Variants in CIITA observed in about 807,000 individuals in gnomAD.
CIITA encodes class II major histocompatibility complex transactivator.
A neutral mutation model predicts 115.1 loss-of-function variants in CIITA; 72 were observed. The ratio of observed to expected loss-of-function variants is 0.63; its 90% CI spans 0.52 to 0.76. The LOEUF is 0.76. Ranked by LOEUF, CIITA falls within the 30% of genes least tolerant of loss-of-function variation. The pLI is 0.00. For missense variants in CIITA, 1,617 were observed against 1,463.8 expected (o/e 1.10, Z -1.71); for synonymous variants, 763 against 635.6 (o/e 1.20, Z -3.02).
rs74430533 is a variant in CIITA, at chr16:10,918,547, C to T, written c.3149+21C>T. The T allele has an allele frequency of 3.2e-3, 5,198 of 1,609,028 alleles. 20 individuals carry two copies. The highest frequency in any genetic ancestry group is 4.2e-3 in the Admixed American group (251 of 60,008). The stretch of plus-strand genomic sequence containing the variant: ...CTAAGGTGAGTGGGGCCCCGGATAC[C>T]GGTCAGGTGCTGAGCTGGGGGGCTG... On this transcript the variant is annotated intron_variant, in intron 16 of 19. Transcript: ENST00000324288.
Position 10,941,926 on chromosome 16 carries a change from G to A in CIITA, n.1052G>A. Reference sequence around the variant, plus strand: ...GAAGAACAGGCCCACGTAGAACATAGAGGGCAGCAGCGGCGGCGGCACGTA... The same window carrying A: ...GAAGAACAGGCCCACGTAGAACATAAAGGGCAGCAGCGGCGGCGGCACGTA... On this transcript the variant is annotated non_coding_transcript_exon_variant, in exon 2 of 2. Transcript: ENST00000573379. The surrounding 1 kb of genome is among the most constrained non-coding windows in gnomAD (Gnocchi z 6.4). 1.3e-6 allele frequency: 2 copies of A among 1,599,320 alleles called. No individual in the cohort carries two copies. Among genetic ancestry groups the A allele is most frequent in the African/African-American group, 1.3e-5 (1 of 74,796 alleles).
At chr16:10,916,914 A>G (rs1198527628) in intron 15 of CIITA, 1 of 285,374 alleles carries the variant, frequency 3.5e-6, no homozygotes, top group Non-Finnish European at 6.7e-6. Flanking sequence ...ACCCAGCTTT[A>G]AACAAAACAA....
intron 1 of CIITA, among the ~76,000 whole-genome samples, chr16:10,881,892 C>G (rs1322198443): frequency 6.6e-6 from 1 of 152,206 alleles, no homozygotes; most frequent in East Asian, 1.9e-4. Flanking sequence ...TTGGGCTACT[C>G]TAGACACCGC....
In CIITA at chr16:10,877,338, G is replaced by C. The variant is rs113187651; in HGVS notation, c.8G>C (p.Cys3Ser). Residue 3 changes from cysteine to serine, a missense_variant, in exon 1 of 20, where the codon TGC becomes TCC. Transcript: ENST00000324288. Reference sequence around the variant, plus strand: ...GGCTGGGATTCCTACACAATGCGTTGCCTGGCTCCACGCCCTGCTGGGTCC... The same window carrying C: ...GGCTGGGATTCCTACACAATGCGTTCCCTGGCTCCACGCCCTGCTGGGTCC... MR[C>S]LAPRPAGSYL... is the part of the protein sequence containing the mutation. 6.2e-7 allele frequency: 1 copy of C among 1,613,140 alleles called. No individual in the cohort carries two copies. Among genetic ancestry groups the C allele is most frequent in the Non-Finnish European group, 8.5e-7 (1 of 1,179,516 alleles).
chr16:10,921,583 G>T (rs753555861), intron 16 of CIITA, among the ~76,000 whole-genome samples: 2 of 152,178 alleles, frequency 1.3e-5, no homozygotes, highest in Non-Finnish European at 2.9e-5. Context: ...TTTTACAGAT[G>T]GGCAAACTGA....
In CIITA at chr16:10,927,432, T is replaced by A. The variant is rs905355310; in HGVS notation, c.*3577T>A. On this transcript the variant is annotated 3_prime_UTR_variant, in exon 20 of 20. Coordinates refer to ENST00000324288, the MANE Select transcript of CIITA (RefSeq NM_000246.4). ...ATAATAGGTGCTCAATAACATAAAA[T>A]GAACAAATAATCCTCACCTAACGGT... 6.6e-6 allele frequency: 1 copy of A among 152,232 alleles called. No individual in the cohort carries two copies. The highest frequency in any genetic ancestry group is 1.5e-5 in the Non-Finnish European group (1 of 68,052). The allele number at this position is 152,232 out of a possible 1,614,324, so 9.4% of individuals were successfully genotyped here.
Position 10,932,548 on chromosome 16 carries a change from G to A in CIITA, c.*8693G>A, listed in dbSNP as rs1007371836. 3 of 152,036 alleles carry A rather than the reference G, an allele frequency of 2.0e-5. No homozygotes were observed. Among genetic ancestry groups the A allele is most frequent in the African/African-American group, 7.2e-5 (3 of 41,438 alleles). The allele number at this position is 152,036 out of a possible 1,614,324, so 9.4% of individuals were successfully genotyped here. A position where few individuals can be genotyped will look rare whatever the true frequency, so the allele number is the denominator to read the frequency against. On this transcript the variant is annotated 3_prime_UTR_variant, in exon 20 of 20. Transcript: ENST00000324288. ...GTTCGTCCCTTTTCTCTGAGATGGGGGTATCCAATCTTTTGGCTTCCCTGG... is the reference window on the plus strand; with the variant it reads ...GTTCGTCCCTTTTCTCTGAGATGGGAGTATCCAATCTTTTGGCTTCCCTGG...
At chr16:10,902,988 G>T (rs2144594202) in intron 8 of CIITA, among the ~76,000 whole-genome samples, 187 bp downstream of exon 8, 1 of 152,326 alleles carries the variant, frequency 6.6e-6, no homozygotes, top group African/African-American at 2.4e-5. Flanking sequence ...AGATTCCTGA[G>T]GTGGTCTGGG....
intron 12 of CIITA, among the ~76,000 whole-genome samples, chr16:10,909,787 A>G (rs1763426976): frequency 6.6e-6 from 1 of 152,180 alleles, no homozygotes; most frequent in South Asian, 2.1e-4. Context: ...AGGCTAGAAT[A>G]CAGTAGTGCG....
intron 13 of CIITA, among the ~76,000 whole-genome samples, chr16:10,914,235 T>G (rs1202788819): frequency 6.6e-6 from 1 of 151,984 alleles, no homozygotes; most frequent in Non-Finnish European, 1.5e-5. Context: ...AAGATTGGGG[T>G]GAAATATTTG....
rs1009328352 is a variant in CIITA, at chr16:10,887,302, T to G, written c.53-7980T>G. Among the ~76,000 whole-genome samples the G allele has an allele frequency of 2.6e-5, 4 of 151,942 alleles. 1 individual carries two copies. The highest frequency in any genetic ancestry group is 4.8e-5 in the African/African-American group (2 of 41,352). On this transcript the variant is annotated intron_variant, in intron 1 of 19. Coordinates refer to ENST00000324288, the MANE Select transcript of CIITA (RefSeq NM_000246.4). ...ACTGCCAGGCAACGAGGAATCAGAA[T>G]CTCAAAAAGACTCAATTGAAGGGGC...
In CIITA at chr16:10,879,282, C is replaced by T. The variant is rs191288896; in HGVS notation, c.52+1900C>T. ...GTGCCCAGAGCTCCGGGGCCGTGGGCGGGTGGCAGGAAAGCCTGGCGGCAG... is the reference window on the plus strand; with the variant it reads ...GTGCCCAGAGCTCCGGGGCCGTGGGTGGGTGGCAGGAAAGCCTGGCGGCAG... On this transcript the variant is annotated intron_variant, in intron 1 of 19. Transcript: ENST00000324288. The surrounding 1 kb of genome is among the most constrained non-coding windows in gnomAD (Gnocchi z 4.3). Among the ~76,000 whole-genome samples the T allele has an allele frequency of 6.6e-6, 1 of 152,264 alleles. No homozygotes were observed. Among genetic ancestry groups the T allele is most frequent in the Admixed American group, 6.5e-5 (1 of 15,292 alleles).
chr16:10,899,794 T>C (rs1186330334), intron 5 of CIITA, among the ~76,000 whole-genome samples: 1 of 152,172 alleles, frequency 6.6e-6, no homozygotes, highest in Non-Finnish European at 1.5e-5. Flanking sequence ...GAATATTCAG[T>C]GAAGGCTGGG....
At position 10,923,100 on chromosome 16, in the gene CIITA, T is replaced by A. The variant is rs556294426; in HGVS notation, c.3318-128T>A. The stretch of plus-strand genomic sequence containing the variant: ...TCCCCATGACCCACACCGGTCGGTA[T>A]CTTGCCAGGGGAAAAGTCCCCAACG... On this transcript the variant is annotated intron_variant, in intron 18 of 19. Transcript: ENST00000324288. This position sits in a 1 kb window ranked among gnomAD's most constrained non-coding sequence, Gnocchi z 5.2. 2.4e-6 allele frequency: 2 copies of A among 817,084 alleles called. No individual in the cohort carries two copies. Among genetic ancestry groups the A allele is most frequent in the East Asian group, 2.4e-5 (1 of 41,110 alleles). The allele number at this position is 817,084 out of a possible 1,614,324, so 50.6% of individuals were successfully genotyped here.
Position 10,922,471 on chromosome 16 carries a change from C to T in CIITA, c.3298C>T (p.Pro1100Ser). 6.2e-7 allele frequency: 1 copy of T among 1,614,088 alleles called. No homozygotes were observed. Among genetic ancestry groups the T allele is most frequent in the African/African-American group, 1.3e-5 (1 of 75,052 alleles). Residue 1100 changes from proline (P) to serine (S), a missense_variant, in exon 18 of 20, where the codon CCT becomes TCT. Transcript: ENST00000324288. ...QQLAASLRRC[P>S]HVETLAMWTP... Reference sequence around the variant, plus strand: ...GCTCGCTGCCAGCCTTCGGAGGTGTCCTCATGTGGAGACGCTGGCGTAAGT... The same window carrying T: ...GCTCGCTGCCAGCCTTCGGAGGTGTTCTCATGTGGAGACGCTGGCGTAAGT...
rs1444304543 is a variant in CIITA, at chr16:10,941,535, A to G, written n.661A>G. ...CTCCCTCTCCCTTGCTAGCGCCCCAACCCGCCCTCATCCTGTTCAGAGAGG... is the reference window on the plus strand; with the variant it reads ...CTCCCTCTCCCTTGCTAGCGCCCCAGCCCGCCCTCATCCTGTTCAGAGAGG... On this transcript the variant is annotated non_coding_transcript_exon_variant, in exon 2 of 2. Coordinates refer to the CIITA transcript ENST00000573379. The surrounding 1 kb of genome is among the most constrained non-coding windows in gnomAD (Gnocchi z 6.4). 2 of 1,410,818 alleles carry G rather than the reference A, an allele frequency of 1.4e-6. No homozygotes were observed. The highest frequency in any genetic ancestry group is 1.9e-6 in the Non-Finnish European group (2 of 1,079,478). 87.4% of individuals were successfully genotyped at this position (1,410,818 alleles called of 1,614,324 possible). A position where few individuals can be genotyped will look rare whatever the true frequency, so the allele number is the denominator to read the frequency against.
chr16:10,911,058 G>A (rs999271069), intron 13 of CIITA, among the ~76,000 whole-genome samples: 1 of 152,120 alleles, frequency 6.6e-6, no homozygotes, highest in African/African-American at 2.4e-5. Flanking sequence ...TTGCTGGGGT[G>A]ACAGAAATGG....
At position 10,895,707 on chromosome 16, in the gene CIITA, A is replaced by C; in HGVS notation, c.238A>C (p.Arg80=). The C allele has an allele frequency of 1.2e-6, 2 of 1,614,166 alleles. No homozygotes were observed. The highest frequency in any genetic ancestry group is 1.7e-6 in the Non-Finnish European group (2 of 1,180,028). The change falls in exon 3 of 20, where the codon AGG becomes CGG. Residue 80 remains arginine, a synonymous_variant. Transcript: ENST00000324288. ...TDTINCDQFS[R]LLCDMEGDEE... Reference sequence around the variant, plus strand: ...CACCATCAACTGCGACCAGTTCAGCAGGCTGTTGTGTGACATGGAAGGTGA... The same window carrying C: ...CACCATCAACTGCGACCAGTTCAGCCGGCTGTTGTGTGACATGGAAGGTGA...
intron 11 of CIITA, 67 bp downstream of exon 11, chr16:10,908,216 C>T (rs1163171952): frequency 6.6e-7 from 1 of 1,524,026 alleles, no homozygotes; most frequent in Non-Finnish European, 8.9e-7. Flanking sequence ...TGGTGCCAAG[C>T]CCAGTGCTCT....
Sources: gnomAD v4.1 joint callset for allele counts (sites outside exome capture counted in the v4.1 genomes callset) on GRCh38, gnomAD v4.1.1 for gene constraint, Gnocchi (gnomAD v3.1) non-coding constraint, MANE v1.5 for transcripts, NCBI Gene and HGNC (gene_info 2026-07-23, HGNC 2026-07-21) for gene names.